Variants in MCF2 observed in about 807,000 individuals in gnomAD.
MCF2 encodes proto-oncogene DBL.
Under a neutral mutation model 82.5 loss-of-function variants are expected in MCF2, and 44 were observed. The observed-to-expected ratio is 0.53, with a 90% confidence interval of 0.42 to 0.69. The LOEUF (loss-of-function observed/expected upper bound fraction) is 0.69. MCF2 is among the 30% of genes least tolerant of loss of function. The probability of loss-of-function intolerance (pLI) is 0.00; values close to 1 mark genes in which losing one functional copy is unlikely to be tolerated. For synonymous variants in MCF2, 217 were observed against 224.9 expected, an observed-to-expected ratio of 0.96 and a Z score of 0.32; for missense variants, 623 against 663.1, an observed-to-expected ratio of 0.94 and a Z score of 0.66.
chrX:139,674,927 T>C (rs987363810), intron 1 of MCF2, among the ~76,000 whole-genome samples: 8 of 112,337 alleles, frequency 7.1e-5, no homozygotes, highest in African/African-American at 2.6e-4. Context: ...TTTTCCAACT[T>C]GGTTCTTTCT....
intron 19 of MCF2, among the ~76,000 whole-genome samples, chrX:139,595,480 A>G (rs1387573365): frequency 9.5e-6 from 1 of 105,255 alleles, no homozygotes; most frequent in Non-Finnish European, 2.0e-5. Context: ...CGCAAGAACA[A>G]AAAACCAAAC....
intron 1 of MCF2, among the ~76,000 whole-genome samples, chrX:139,689,236 C>T (rs774694054): frequency 1.8e-5 from 2 of 112,192 alleles, no homozygotes; most frequent in African/African-American, 6.5e-5. Flanking sequence ...TTCCTCTCCA[C>T]GGCATAAGCC....
chrX:139,689,662 T>TTTTTTTTTTTTTTTGA (rs1569402957), intron 1 of MCF2, among the ~76,000 whole-genome samples: 4 of 108,708 alleles, frequency 3.7e-5, no homozygotes, highest in African/African-American at 1.3e-4. Context: ...CTTATTTCCT[T>TTTTTTTTTTTTTTTGA]GCCTGGAATA....
chrX:139,610,760 A>G (rs977448042), intron 10 of MCF2, among the ~76,000 whole-genome samples: 1 of 112,066 alleles, frequency 8.9e-6, no homozygotes, highest in Non-Finnish European at 1.9e-5. Context: ...CACTTTCTAC[A>G]TATTGAGCAC....
intron 4 of MCF2, among the ~76,000 whole-genome samples, chrX:139,627,881 T>C (rs1932799916): frequency 8.9e-6 from 1 of 111,897 alleles, no homozygotes; most frequent in African/African-American, 3.2e-5. Flanking sequence ...TGTTTTTAGA[T>C]TGTGATTCAA....
chrX:139,598,619 G>A, intron 16 of MCF2, 121 bp from the exon 21 acceptor site: 1 of 389,244 alleles, frequency 2.6e-6, no homozygotes, highest in Non-Finnish European at 4.3e-6. Context: ...AATATTTATT[G>A]GAAAAATCAC....
chrX:139,674,295 T>C (rs184059903), intron 1 of MCF2, among the ~76,000 whole-genome samples: 1 of 112,206 alleles, frequency 8.9e-6, no homozygotes, highest in East Asian at 2.8e-4. Flanking sequence ...TCTGTGTCTT[T>C]TAATTGGAGC....
At chrX:139,616,422 C>A (rs1425786540) in exon 9 of MCF2, 1 of 1,175,298 alleles carries the variant, frequency 8.5e-7, no homozygotes, top group Admixed American at 2.3e-5. Context: ...TGAAACTTAT[C>A]TATTTCCTGA....
chrX:139,658,864 C>T (rs1306761071), intron 1 of MCF2, among the ~76,000 whole-genome samples: 2 of 108,812 alleles, frequency 1.8e-5, no homozygotes, highest in African/African-American at 3.4e-5. Context: ...TTTGTAGAGA[C>T]GGGGTGGGGG....
intron 9 of MCF2, 43 bp downstream of exon 12, chrX:139,616,239 T>C (rs1267970099): frequency 3.5e-6 from 3 of 845,534 alleles, no homozygotes; most frequent in African/African-American, 4.2e-5. Context: ...ACTGCAATTA[T>C]AATTTTCTTT....
chrX:139,618,760 A>G lies in MCF2; in HGVS notation c.807+827T>C, dbSNP rs973544412. 3.6e-5 allele frequency among the ~76,000 whole-genome samples: 4 copies of G among 111,618 alleles called. No homozygotes were observed. In the Admixed American group the frequency reaches 3.8e-4, roughly 11 times the overall value. On this transcript the variant is annotated intron_variant, in intron 7 of 24. Coordinates refer to ENST00000370576, the Ensembl canonical transcript of MCF2. ...GTGGCCTTGCTCTCACATAAAAAGCATGGCCTTGCTCTCACATAAAAGCTA... is the reference window on the plus strand; with the variant it reads ...GTGGCCTTGCTCTCACATAAAAAGCGTGGCCTTGCTCTCACATAAAAGCTA...
chrX:139,640,392 C>A (rs188234569), intron 1 of MCF2, among the ~76,000 whole-genome samples: 1 of 111,354 alleles, frequency 9.0e-6, no homozygotes. Flanking sequence ...CACACTCTTC[C>A]CCCCATATCC....
chrX:139,668,140 C>T (rs1934579478), intron 1 of MCF2, among the ~76,000 whole-genome samples: 1 of 111,649 alleles, frequency 9.0e-6, no homozygotes, highest in African/African-American at 3.3e-5. Flanking sequence ...GCTCCAGCTG[C>T]GTAAGTTCAT....
chrX:139,656,469 C>T (rs1934205014), intron 1 of MCF2, among the ~76,000 whole-genome samples: 1 of 112,381 alleles, frequency 8.9e-6, no homozygotes, highest in Admixed American at 9.4e-5. Context: ...TAGCCCACAA[C>T]TGTGCCAATA....
intron 22 of MCF2, among the ~76,000 whole-genome samples, chrX:139,587,481 T>A (rs111341312): frequency 1.8e-5 from 2 of 111,647 alleles, no homozygotes; most frequent in Non-Finnish European, 3.8e-5. Flanking sequence ...CAATGATATA[T>A]TAAAAATAAA....
At chrX:139,645,003 G>A (rs748240781), upstream of MCF2, among the ~76,000 whole-genome samples, 9 of 110,890 alleles carry the variant, frequency 8.1e-5, no homozygotes, top group South Asian at 7.7e-4. Flanking sequence ...TGTACCTCTC[G>A]TTATTTTAAT....
At chrX:139,608,554 C>T (rs111361380) in intron 11 of MCF2, among the ~76,000 whole-genome samples, 1 of 111,135 alleles carries the variant, frequency 9.0e-6, no homozygotes, top group Non-Finnish European at 1.9e-5. Context: ...TATTGGACAG[C>T]TGAGCTTGCC....
intron 1 of MCF2, among the ~76,000 whole-genome samples, chrX:139,698,942 T>C (rs1347393324): frequency 2.7e-5 from 3 of 111,524 alleles, no homozygotes; most frequent in Non-Finnish European, 5.6e-5. Context: ...GTCATCTCAT[T>C]TGATCCTCCC....
chrX:139,694,301 A>G lies in MCF2; in HGVS notation c.-45+13805T>C. On this transcript the variant is annotated intron_variant, in intron 1 of 27. Transcript: ENST00000414978. ...AATTTAAACTTCTGTATAATTAAAA[A>G]CATAAACAAAAGTCAAATCACAAAT... 1.8e-5 allele frequency among the ~76,000 whole-genome samples: 2 copies of G among 111,458 alleles called. 1 individual carries two copies. Among genetic ancestry groups the G allele is most frequent in the Middle Eastern group, 9.3e-3 (2 of 214 alleles).
Sources: gnomAD v4.1 joint callset for allele counts (sites outside exome capture counted in the v4.1 genomes callset) on GRCh38, gnomAD v4.1.1 for gene constraint, MANE v1.5 for transcripts, NCBI Gene and HGNC (gene_info 2026-07-23, HGNC 2026-07-21) for gene names.